Variants in ANKDD1A observed in about 807,000 individuals in gnomAD.
ANKDD1A encodes the protein ankyrin repeat and death domain-containing protein 1A.
A neutral mutation model predicts 63.5 loss-of-function variants in ANKDD1A; 59 were observed. The ratio of observed to expected loss-of-function variants is 0.93; its 90% CI spans 0.75 to 1.15. The LOEUF (loss-of-function observed/expected upper bound fraction) is 1.15, where lower values mean the gene tolerates loss of function less well. Among genes scored for constraint, ANKDD1A ranks in the 50% most tolerant of loss-of-function variants. The probability of loss-of-function intolerance (pLI) is 0.00; values close to 1 mark genes in which losing one functional copy is unlikely to be tolerated. For synonymous variants in ANKDD1A, 266 were observed against 263.9 expected (o/e 1.01, Z -0.08); for missense variants, 632 against 656.4 (o/e 0.96, Z 0.41).
At chr15:64,917,687 G>A (rs1339800681) in intron 3 of ANKDD1A, among the ~76,000 whole-genome samples, 173 bp downstream of exon 3, 1 of 152,200 alleles carries the variant, frequency 6.6e-6, no homozygotes, top group Admixed American at 6.5e-5. Context: ...TTTTACTCCT[G>A]TACAGCAATG....
chr15:64,949,691 T>C, intron 13 of ANKDD1A, 150 bp from the exon 14 acceptor site: 3 of 1,193,430 alleles, frequency 2.5e-6, no homozygotes, highest in Non-Finnish European at 2.3e-6. Context: ...TGAGCTTGGC[T>C]GGAGCATGGA....
At chr15:64,952,946 CT>C (rs2085326174) in intron 14 of ANKDD1A, among the ~76,000 whole-genome samples, 2 of 52,166 alleles carry the variant, frequency 3.8e-5, no homozygotes, top group Admixed American at 2.8e-4. Flanking sequence ...CCTCTTCTTC[CT>C]TCTCTTTCTT....
chr15:64,952,969 TTTC>T (rs1210515636), intron 14 of ANKDD1A, among the ~76,000 whole-genome samples: 1 of 18,668 alleles, frequency 5.4e-5, no homozygotes, highest in African/African-American at 7.8e-5. Flanking sequence ...CTCTTCTTCT[TTTC>T]TTCTTGTCTC....
At chr15:64,935,674 C>CAA in intron 9 of ANKDD1A, among the ~76,000 whole-genome samples, 1 of 138,898 alleles carries the variant, frequency 7.2e-6, no homozygotes, top group South Asian at 2.3e-4. Flanking sequence ...GACTCCGCCT[C>CAA]AAAAAAAAAA....
chr15:64,940,394 T>TGATA (rs1555442476), intron 9 of ANKDD1A, among the ~76,000 whole-genome samples: 86 of 93,064 alleles, frequency 9.2e-4, no homozygotes, highest in African/African-American at 3.0e-3. Flanking sequence ...ATAGGATGAT[T>TGATA]GATAGATAGA....
chr15:64,915,751 G>A, intron 1 of ANKDD1A, 46 bp from the exon 2 acceptor site: 1 of 1,540,918 alleles, frequency 6.5e-7, no homozygotes, highest in South Asian at 1.1e-5. Context: ...TGTCTGCAGT[G>A]TGGGGCATCC....
At chr15:64,916,128 G>A (rs1229235290) in intron 2 of ANKDD1A, among the ~76,000 whole-genome samples, 1 of 152,160 alleles carries the variant, frequency 6.6e-6, no homozygotes, top group African/African-American at 2.4e-5. Flanking sequence ...CCAGGCTTGG[G>A]CAATTCCAGA....
chr15:64,950,798 G>C, intron 14 of ANKDD1A: 1 of 1,006,628 alleles, frequency 9.9e-7, no homozygotes, highest in South Asian at 3.2e-5. Flanking sequence ...TTTCAGGGTA[G>C]AGAGATTAGG....
rs753034410 is a variant in ANKDD1A, at chr15:64,926,883, G to A, written c.472-18G>A. ...TGACAGAGTGAGGAAGGCTCACACCGCTTCTCCTCCCGGCCAGCTGGGGAG... is the reference window on the plus strand; with the variant it reads ...TGACAGAGTGAGGAAGGCTCACACCACTTCTCCTCCCGGCCAGCTGGGGAG... On this transcript the variant is annotated intron_variant, in intron 5 of 14. Coordinates refer to ENST00000319580, the MANE Select transcript of ANKDD1A (RefSeq NM_182703.6). 107 of 1,613,736 alleles carry A rather than the reference G, an allele frequency of 6.6e-5. No homozygotes were observed. The highest frequency in any genetic ancestry group is 8.8e-5 in the Non-Finnish European group (104 of 1,179,842).
intron 9 of ANKDD1A, among the ~76,000 whole-genome samples, chr15:64,938,307 C>T (rs1299815043): frequency 1.3e-5 from 2 of 152,164 alleles, no homozygotes; most frequent in African/African-American, 4.8e-5. Flanking sequence ...TAACCTTACT[C>T]TGGGGAAATC....
chr15:64,912,533 C>T (rs2084939359), intron 1 of ANKDD1A, among the ~76,000 whole-genome samples: 1 of 152,332 alleles, frequency 6.6e-6, no homozygotes, highest in Middle Eastern at 3.4e-3. Flanking sequence ...AGGGCACCTC[C>T]GAACCTCCCT....
chr15:64,922,053 G>A (rs758112448), intron 4 of ANKDD1A, 34 bp downstream of exon 4: 10 of 1,599,148 alleles, frequency 6.3e-6, no homozygotes, highest in South Asian at 3.3e-5. Flanking sequence ...CTGTCCCCTC[G>A]GCTCCCCTGG....
chr15:64,945,802 T>G (rs1164836412), intron 12 of ANKDD1A, among the ~76,000 whole-genome samples: 6 of 150,998 alleles, frequency 4.0e-5, no homozygotes, highest in African/African-American at 1.2e-4. Flanking sequence ...CCAGCTAATT[T>G]TTTGTATTTT....
At chr15:64,922,644 T>A (rs914054188) in intron 4 of ANKDD1A, among the ~76,000 whole-genome samples, 1 of 152,180 alleles carries the variant, frequency 6.6e-6, no homozygotes, top group Non-Finnish European at 1.5e-5. Context: ...TTAGCATTTT[T>A]TTCTTTCTTT....
rs2085347762 is a variant in ANKDD1A, at chr15:64,953,574, TAG to T, written c.1484-3528_1484-3527del. Among the ~76,000 whole-genome samples the T allele has an allele frequency of 4.4e-5, 5 of 113,662 alleles. No individual in the cohort carries two copies. The South Asian group carries it at 1.0e-3, about 23-fold the overall frequency. 74.6% of individuals were successfully genotyped at this position (113,662 alleles called of 152,430 possible). On this transcript the variant is annotated intron_variant, in intron 14 of 14. Transcript: ENST00000319580. Reference sequence around the variant, plus strand: ...CTCCTTCTTTCTTCCTCCTTCTTCTTAGTTCTTCTTCTTCCTTCTCCTTTTCT... The same window carrying T: ...CTCCTTCTTTCTTCCTCCTTCTTCTTTTCTTCTTCTTCCTTCTCCTTTTCT...
rs201047267 is a variant in ANKDD1A, at chr15:64,930,920, G to A, written c.669G>A (p.Ala223=). ...GGCTGGACCTGGAGGAGCAGAATGC[G>A]GTGAGTCACCGCCTGGGGATGGCGA... The part of the protein sequence containing the change: ...DIGLDLEEQN[A]EGLTALHSAA... Residue 223 remains alanine, a splice_region_variant and synonymous_variant, in exon 7 of 15, where the codon GCG becomes GCA. Transcript: ENST00000319580. 54 of 1,610,386 alleles carry A rather than the reference G, an allele frequency of 3.4e-5. No individual in the cohort carries two copies. Among genetic ancestry groups the A allele is most frequent in the Non-Finnish European group, 4.0e-5 (47 of 1,179,894 alleles).
chr15:64,944,535 A>T, intron 11 of ANKDD1A, 117 bp from the exon 12 acceptor site: 1 of 872,208 alleles, frequency 1.1e-6, no homozygotes. Context: ...TTCTGCTCTC[A>T]GCGTAGACTG....
intron 6 of ANKDD1A, among the ~76,000 whole-genome samples, chr15:64,928,943 A>G (rs2085067726): frequency 6.6e-6 from 1 of 152,128 alleles, no homozygotes; most frequent in Non-Finnish European, 1.5e-5. Flanking sequence ...AAGCCCTGCC[A>G]CGGTCTCTAC....
In ANKDD1A at chr15:64,942,517, G is replaced by C; in HGVS notation, c.918G>C (p.Leu306Phe). 2 of 1,613,868 alleles carry C rather than the reference G, an allele frequency of 1.2e-6. No individual in the cohort carries two copies. The highest frequency in any genetic ancestry group is 1.7e-6 in the Non-Finnish European group (2 of 1,179,924). ...HLAVRHNFPA[L>F]VRLLINSDSD... ...CTGTGAGGCACAACTTCCCTGCCTTGGTCCGGCTCCTCATCAACTCCGACA... is the reference window on the plus strand; with the variant it reads ...CTGTGAGGCACAACTTCCCTGCCTTCGTCCGGCTCCTCATCAACTCCGACA... The change falls in exon 10 of 15, where the codon TTG (leucine) becomes TTC (phenylalanine). Residue 306 changes from leucine (L) to phenylalanine (F), a missense_variant. Leu to Phe is a conservative substitution (Grantham distance 22). Coordinates refer to ENST00000319580, the MANE Select transcript of ANKDD1A (RefSeq NM_182703.6).
Sources: allele counts gnomAD v4.1 joint callset (sites outside exome capture counted in the v4.1 genomes callset), GRCh38; gene constraint gnomAD v4.1.1; transcripts MANE v1.5; gene names NCBI Gene and HGNC (gene_info 2026-07-23, HGNC 2026-07-21).